Variants in SCHIP1 observed in about 807,000 individuals in gnomAD.
SCHIP1 encodes schwannomin interacting protein 1, also known as schwannomin-interacting protein 1.
In SCHIP1, 8 loss-of-function variants were observed where a neutral mutation model predicts 29.7. The observed-to-expected ratio is 0.27, with a 90% CI of 0.16 to 0.49. The LOEUF is 0.49. SCHIP1 is among the 20% of genes least tolerant of loss of function. The pLI is 0.99. For missense variants in SCHIP1, 193 were observed against 294.6 expected (o/e 0.66, Z 2.52); for synonymous variants, 76 against 94.9 (o/e 0.80, Z 1.16).
At chr3:159,859,738 A>G (rs1305900313) in intron 1 of SCHIP1, among the ~76,000 whole-genome samples, 1 of 152,166 alleles carries the variant, frequency 6.6e-6, no homozygotes, top group African/African-American at 2.4e-5. Context: ...AGAAGAACCA[A>G]CTCTGTGTTT....
At chr3:159,479,919 A>T in the SCHIP1 span, among the ~76,000 whole-genome samples, 1 of 152,188 alleles carries the variant, frequency 6.6e-6, no homozygotes, top group African/African-American at 2.4e-5. Context: ...AGTAATGAAG[A>T]CGTTATTTCT....
the SCHIP1 span, among the ~76,000 whole-genome samples, chr3:159,285,401 A>G: frequency 6.6e-6 from 1 of 152,158 alleles, no homozygotes; most frequent in Non-Finnish European, 1.5e-5. Flanking sequence ...ACTTATTCTC[A>G]ACATTTCTGA....
the SCHIP1 span, among the ~76,000 whole-genome samples, chr3:159,297,251 AG>A: frequency 1.3e-5 from 2 of 152,100 alleles, no homozygotes; most frequent in East Asian, 3.9e-4. Context: ...ATAATGCTGC[AG>A]TGAACATGAG....
the SCHIP1 span, among the ~76,000 whole-genome samples, chr3:159,534,454 G>A: frequency 6.6e-6 from 1 of 152,092 alleles, no homozygotes. Context: ...CAAAATCCTG[G>A]TAGTGGCAGG....
chr3:159,841,553 A>G (rs1482092816), intron 1 of SCHIP1, among the ~76,000 whole-genome samples: 2 of 152,226 alleles, frequency 1.3e-5, no homozygotes, highest in African/African-American at 4.8e-5. Context: ...TAATTAAAAT[A>G]ACTCTCTCTT....
the SCHIP1 span, among the ~76,000 whole-genome samples, chr3:159,460,083 C>T: frequency 6.6e-6 from 1 of 152,198 alleles, no homozygotes; most frequent in East Asian, 1.9e-4. Flanking sequence ...TCAACTCTTA[C>T]CATCACCCTT....
chr3:159,784,566 A>G, the SCHIP1 span, among the ~76,000 whole-genome samples: 4 of 152,252 alleles, frequency 2.6e-5, no homozygotes, highest in African/African-American at 9.6e-5. Flanking sequence ...AATCCTGGTG[A>G]CGTGGGCTTT....
At chr3:159,548,061 T>C in the SCHIP1 span, among the ~76,000 whole-genome samples, 1 of 152,170 alleles carries the variant, frequency 6.6e-6, no homozygotes, top group African/African-American at 2.4e-5. Context: ...CTTTTATAAA[T>C]CACTCTGTAA....
the SCHIP1 span, among the ~76,000 whole-genome samples, chr3:159,603,933 G>A: frequency 6.6e-6 from 1 of 152,054 alleles, no homozygotes; most frequent in African/African-American, 2.4e-5. Flanking sequence ...TTTTATAACA[G>A]ACCCACTCTT....
chr3:159,884,043 T>C (rs1184349816), intron 2 of SCHIP1, among the ~76,000 whole-genome samples: 3 of 152,224 alleles, frequency 2.0e-5, no homozygotes, highest in Admixed American at 6.5e-5. Context: ...TTATTTTACA[T>C]TTTTATAATC....
the SCHIP1 span, among the ~76,000 whole-genome samples, chr3:159,300,645 T>C: frequency 6.6e-6 from 1 of 152,210 alleles, no homozygotes; most frequent in South Asian, 2.1e-4. Context: ...TTGCACCGAC[T>C]ACAATGGCCT....
the SCHIP1 span, among the ~76,000 whole-genome samples, chr3:159,750,263 G>GTATATATA: frequency 8.0e-3 from 198 of 24,762 alleles, 1 homozygote; most frequent in East Asian, 0.016. Flanking sequence ...ATGTGTGTGT[G>GTATATATA]TATATATATA....
At chr3:159,337,204 A>G in the SCHIP1 span, among the ~76,000 whole-genome samples, 1 of 152,248 alleles carries the variant, frequency 6.6e-6, no homozygotes, top group South Asian at 2.1e-4. Flanking sequence ...TCTCAAAATA[A>G]TAAGAGCTAT....
chr3:159,796,670 A>T, the SCHIP1 span, among the ~76,000 whole-genome samples: 1 of 152,224 alleles, frequency 6.6e-6, no homozygotes, highest in South Asian at 2.1e-4. Flanking sequence ...ATAAGATGCA[A>T]TGCAAAGAAT....
At chr3:159,760,381 A>ATGCACCTT in the SCHIP1 span, among the ~76,000 whole-genome samples, 1 of 152,294 alleles carries the variant, frequency 6.6e-6, no homozygotes, top group Non-Finnish European at 1.5e-5. Context: ...ATTCATTCAC[A>ATGCACCTT]TGCACCTTGA....
chr3:159,640,219 G>A, the SCHIP1 span, among the ~76,000 whole-genome samples: 17 of 152,232 alleles, frequency 1.1e-4, no homozygotes, highest in South Asian at 6.2e-4. Context: ...GTGCAGGCCC[G>A]TCTGCTCTTC....
the SCHIP1 span, chr3:159,721,899 G>C: frequency 4.6e-6 from 2 of 435,200 alleles, no homozygotes; most frequent in African/African-American, 2.1e-5. Flanking sequence ...CATCTCCTCT[G>C]TCTTCTTTGC....
chr3:159,319,869 T>C, the SCHIP1 span, among the ~76,000 whole-genome samples: 4 of 152,230 alleles, frequency 2.6e-5, no homozygotes, highest in Non-Finnish European at 5.9e-5. Flanking sequence ...TTAAGTGTTT[T>C]AGCACTTCAC....
At chr3:159,510,687 G>A in the SCHIP1 span, among the ~76,000 whole-genome samples, 1 of 152,208 alleles carries the variant, frequency 6.6e-6, no homozygotes, top group Admixed American at 6.5e-5. Context: ...CCTTCTAACA[G>A]TCAGGACCCT....
Sources: gnomAD v4.1 joint callset for allele counts (sites outside exome capture counted in the v4.1 genomes callset) on GRCh38, gnomAD v4.1.1 for gene constraint, MANE v1.5 for transcripts, NCBI Gene and HGNC (gene_info 2026-07-23, HGNC 2026-07-21) for gene names.